OBSL1: variants seen among roughly 807,000 people sequenced by gnomAD.
OBSL1 encodes the protein obscurin like cytoskeletal adaptor 1, also known as obscurin-like protein 1.
In OBSL1, 160 loss-of-function variants were observed where a neutral mutation model predicts 172.0. The ratio of observed to expected loss-of-function variants is 0.93; its 90% CI spans 0.82 to 1.06. The LOEUF is 1.06. Among genes scored for constraint, OBSL1 ranks in the 50% least tolerant of loss-of-function variants. OBSL1 has a pLI of 0.00. For synonymous variants in OBSL1, 1,200 were observed against 1,196.3 expected (o/e 1.00, Z -0.06); for missense variants, 2,681 against 2,715.4 (o/e 0.99, Z 0.28).
rs374540973 is a variant in OBSL1 at position 219,567,290 on chromosome 2, T to C, written c.1820A>G (p.His607Arg). ...GHGRSPHVVFHGSAHLVPTAR... is the reference protein window; with the variant it reads ...GHGRSPHVVFRGSAHLVPTAR... ...CAACTCACCAAGGTGAGCAGAACCG[T>C]GGAACACCACGTGGGGACTACGGCC... The change falls in exon 4 of 21, where the codon CAC (histidine) becomes CGC (arginine). Residue 607 changes from histidine (H) to arginine (R), a missense_variant. Physicochemically the swap from His to Arg is conservative, Grantham distance 29 (BLOSUM62 0). Transcript: ENST00000404537. 225 of 1,598,276 alleles carry C rather than the reference T, an allele frequency of 1.4e-4. No homozygotes were observed. The highest frequency in any genetic ancestry group is 1.9e-4 in the Non-Finnish European group (221 of 1,168,462).
In OBSL1 at chr2:219,552,671, G is replaced by A; in HGVS notation, c.5173C>T (p.Leu1725=). The part of the protein sequence containing the change: ...RERTVAVLSE[L]RSVSAREGDG... Reference sequence around the variant, plus strand: ...CCTTCGCGGGCGCTCACCGACCGCAGCTCGGAGAGTACCGCCACAGTACGC... The same window carrying A: ...CCTTCGCGGGCGCTCACCGACCGCAACTCGGAGAGTACCGCCACAGTACGC... Residue 1725 remains leucine, a synonymous_variant, in exon 18 of 21, where the codon CTG becomes TTG. Coordinates refer to ENST00000404537, the MANE Select transcript of OBSL1 (RefSeq NM_015311.3). 2 of 1,537,702 alleles carry A rather than the reference G, an allele frequency of 1.3e-6. No individual in the cohort carries two copies. Among genetic ancestry groups the A allele is most frequent in the Non-Finnish European group, 1.7e-6 (2 of 1,145,622 alleles).
At chr2:219,549,596 G>A, downstream of OBSL1, 1 of 1,468,852 alleles carries the variant, frequency 6.8e-7, no homozygotes, top group Non-Finnish European at 9.3e-7. Context: ...GGGTCTCAGG[G>A]CTGTGGACTC....
At chr2:219,560,349 A>C (rs1696366816) in intron 8 of OBSL1, among the ~76,000 whole-genome samples, 1 of 152,162 alleles carries the variant, frequency 6.6e-6, no homozygotes, top group Non-Finnish European at 1.5e-5. Context: ...TTTTGCATTC[A>C]ACGTCTGTCT....
rs574616946 is a variant in OBSL1 at position 219,556,005 on chromosome 2, G to A, written c.4609+15C>T. Reference sequence around the variant, plus strand: ...GTAGGGTGGGTAATGCATTAAGAGAGGACGGGGCACTCACGCCTCACGCTG... The same window carrying A: ...GTAGGGTGGGTAATGCATTAAGAGAAGACGGGGCACTCACGCCTCACGCTG... On this transcript the variant is annotated intron_variant, in intron 14 of 20. Coordinates refer to ENST00000404537, the MANE Select transcript of OBSL1 (RefSeq NM_015311.3). The A allele has an allele frequency of 3.7e-6, 6 of 1,612,706 alleles. No individual in the cohort carries two copies. The highest frequency in any genetic ancestry group is 3.3e-5 in the South Asian group (3 of 91,014).
chr2:219,562,257 G>T, intron 8 of OBSL1, 145 bp downstream of exon 8: 1 of 1,003,740 alleles, frequency 1.0e-6, no homozygotes, highest in Non-Finnish European at 1.5e-6. Context: ...TAGGGGCCCT[G>T]GGCTCATCTC....
downstream of OBSL1, among the ~76,000 whole-genome samples, chr2:219,548,473 G>T (rs1381127251): frequency 6.6e-6 from 1 of 152,220 alleles, no homozygotes; most frequent in Non-Finnish European, 1.5e-5. Context: ...TAGAGTTAGG[G>T]TGGTCAGGGA....
chr2:219,554,644 G>C lies in OBSL1; in HGVS notation c.4706C>G (p.Thr1569Ser), dbSNP rs776882174. The C allele has an allele frequency of 1.9e-6, 3 of 1,610,126 alleles. No homozygotes were observed. The highest frequency in any genetic ancestry group is 2.5e-6 in the Non-Finnish European group (3 of 1,178,342). Residue 1569 changes from threonine to serine, a missense_variant, in exon 15 of 21, where the codon ACC (threonine) becomes AGC (serine). Coordinates refer to ENST00000404537, the MANE Select transcript of OBSL1 (RefSeq NM_015311.3). ...TACTCCACCCCGGGCCCACTCCCCG[G>C]TCACACCTTCCTGGGACAGCTCCAG... ...FQLELSQEGV[T>S]GEWARGGVQL...
chr2:219,558,190 G>C lies in OBSL1; in HGVS notation c.3496C>G (p.Leu1166Val), dbSNP rs1159849424. The change falls in exon 10 of 21, where the codon CTG (leucine) becomes GTG (valine). Residue 1166 changes from leucine to valine, a missense_variant. Around this residue, in one of 5 missense-constraint regions of OBSL1, gnomAD observed 1,765 missense variants for 1,748.3 expected, o/e 1.01. Coordinates refer to ENST00000404537, the MANE Select transcript of OBSL1 (RefSeq NM_015311.3). Reference protein sequence around the residue: ...RHEAITFNVILAEPPVQFLAL... With the variant: ...RHEAITFNVIVAEPPVQFLAL... The stretch of plus-strand genomic sequence containing the variant: ...GTTGGCCAGGAGCACCCACCAGCCA[G>C]GATGACATTGAAGGTGATGGCCTCA... 1 of 1,607,982 alleles carries C rather than the reference G, an allele frequency of 6.2e-7. No individual in the cohort carries two copies. Among genetic ancestry groups the C allele is most frequent in the African/African-American group, 1.3e-5 (1 of 74,940 alleles).
rs766996705 is a variant in OBSL1, at chr2:219,552,235, C to T, written c.5309-19G>A. 5 of 1,573,630 alleles carry T rather than the reference C, an allele frequency of 3.2e-6. No individual in the cohort carries two copies. In the South Asian group the frequency reaches 4.6e-5, roughly 15 times the overall value. On this transcript the variant is annotated intron_variant, in intron 18 of 20. Transcript: ENST00000404537. The stretch of plus-strand genomic sequence containing the variant: ...TTCTTCCCTGGGGGTGAGGGGGTCG[C>T]TAGCGAGGCCGGAGCCACCTCTGAG...
chr2:219,552,584 C>G lies in OBSL1; in HGVS notation c.5260G>C (p.Gly1754Arg), dbSNP rs1695709818. ...GCTCCGGGTCTCAGCGGGCGGCCTC[C>G]GAGCTCCCAGCGCCCCGTGGTCTCG... ...EVETTGRWELGGRPLRPGARV... is the reference protein window; with the variant it reads ...EVETTGRWELRGRPLRPGARV... The change falls in exon 18 of 21, where the codon GGA (glycine) becomes CGA (arginine). Residue 1754 changes from glycine (G) to arginine (R), a missense_variant. Coordinates refer to ENST00000404537, the MANE Select transcript of OBSL1 (RefSeq NM_015311.3). The G allele has an allele frequency of 6.3e-7, 1 of 1,590,400 alleles. No individual in the cohort carries two copies. The highest frequency in any genetic ancestry group is 1.1e-5 in the South Asian group (1 of 89,036).
In OBSL1 at chr2:219,570,320, T is replaced by C. The variant is rs1697246689; in HGVS notation, c.913A>G (p.Lys305Glu). The change falls in exon 1 of 21, where the codon AAG (lysine) becomes GAG (glutamate). Residue 305 changes from lysine to glutamate, a missense_variant. By Grantham distance (56) the Lys-to-Glu change is moderately conservative. Around this residue, in one of 5 missense-constraint regions of OBSL1, gnomAD observed 706 missense variants for 695.8 expected, o/e 1.01. Coordinates refer to ENST00000404537, the MANE Select transcript of OBSL1 (RefSeq NM_015311.3). ...YRDRDGGFVLKVLYCQAKDRG... is the reference protein window; with the variant it reads ...YRDRDGGFVLEVLYCQAKDRG... ...TCCTTGGCCTGGCAGTAAAGCACCT[T>C]GAGCACGAAGCCGCCGTCGCGGTCG... The C allele has an allele frequency of 1.2e-6, 2 of 1,611,992 alleles. No homozygotes were observed. Among genetic ancestry groups the C allele is most frequent in the African/African-American group, 2.7e-5 (2 of 74,982 alleles).
rs902445261 is a variant in OBSL1 at position 219,552,520 on chromosome 2, A to G, written c.5308+16T>C. On this transcript the variant is annotated intron_variant, in intron 18 of 20. Transcript: ENST00000404537. Reference sequence around the variant, plus strand: ...GGGGCAGCGAGGGGCCCGAAAGGGTAACCAGGCGGGCAGACCTTCCTGTCG... The same window carrying G: ...GGGGCAGCGAGGGGCCCGAAAGGGTGACCAGGCGGGCAGACCTTCCTGTCG... The G allele has an allele frequency of 3.1e-6, 5 of 1,591,788 alleles. No homozygotes were observed. The highest frequency in any genetic ancestry group is 4.3e-6 in the Non-Finnish European group (5 of 1,175,690).
At position 219,557,989 on chromosome 2, in the gene OBSL1, G is replaced by A. The variant is rs1309346876; in HGVS notation, c.3624C>T (p.His1208=). Reference sequence around the variant, plus strand: ...CGCCCTCCTGCACGGGCCTCCCATTGTGGCTCCAGACCACGGGGGCGCCAG... The same window carrying A: ...CGCCCTCCTGCACGGGCCTCCCATTATGGCTCCAGACCACGGGGGCGCCAG... ...SRAGAPVVWS[H]NGRPVQEGEG... Residue 1208 remains histidine (H), a synonymous_variant, in exon 11 of 21, where the codon CAC becomes CAT. Coordinates refer to ENST00000404537, the MANE Select transcript of OBSL1 (RefSeq NM_015311.3). 1 of 1,611,532 alleles carries A rather than the reference G, an allele frequency of 6.2e-7. No homozygotes were observed. Among genetic ancestry groups the A allele is most frequent in the Non-Finnish European group, 8.5e-7 (1 of 1,179,342 alleles).
chr2:219,564,669 TG>T (rs1250236780), intron 6 of OBSL1, among the ~76,000 whole-genome samples: 2 of 152,206 alleles, frequency 1.3e-5, no homozygotes, highest in Admixed American at 6.5e-5. Flanking sequence ...ACGCTGTGCG[TG>T]GCACACACCT....
In OBSL1 at chr2:219,556,033, C is replaced by T; in HGVS notation, c.4596G>A (p.Arg1532=). Residue 1532 remains arginine (R), a synonymous_variant, in exon 14 of 21, where the codon AGG becomes AGA. Coordinates refer to ENST00000404537, the MANE Select transcript of OBSL1 (RefSeq NM_015311.3). Reference sequence around the variant, plus strand: ...CGGGGCACTCACGCCTCACGCTGAGCCTGGCCAGGGTGCGATCGTGGTGGC... The same window carrying T: ...CGGGGCACTCACGCCTCACGCTGAGTCTGGCCAGGGTGCGATCGTGGTGGC... The part of the protein sequence containing the change: ...CESHHDRTLA[R]LSVRPRQLRV... 1 of 1,613,520 alleles carries T rather than the reference C, an allele frequency of 6.2e-7. No individual in the cohort carries two copies. Among genetic ancestry groups the T allele is most frequent in the Non-Finnish European group, 8.5e-7 (1 of 1,179,870 alleles).
In OBSL1 at chr2:219,567,539, G is replaced by A. The variant is rs1382132754; in HGVS notation, c.1571C>T (p.Ala524Val). The A allele has an allele frequency of 6.2e-7, 1 of 1,612,882 alleles. No individual in the cohort carries two copies. The highest frequency in any genetic ancestry group is 8.5e-7 in the Non-Finnish European group (1 of 1,179,128). ...KHSPPGPPIL[A>V]EMFKGHKNTV... ...GTTCTTGTGGCCCTTGAACATCTCT[G>A]CCAATATGGGGGGTCCTGGGGGACT... The change falls in exon 4 of 21, where the codon GCA becomes GTA. Residue 524 changes from alanine to valine, a missense_variant. Physicochemically the swap from Ala to Val is moderately conservative, Grantham distance 64. Around this residue, in one of 5 missense-constraint regions of OBSL1, gnomAD observed 706 missense variants for 695.8 expected, o/e 1.01. Transcript: ENST00000404537.
intron 7 of OBSL1, chr2:219,563,091 C>T: frequency 2.0e-6 from 1 of 511,284 alleles, no homozygotes; most frequent in Non-Finnish European, 3.4e-6. Context: ...AATAGACTCA[C>T]TGTCCCCAGA....
intron 6 of OBSL1, among the ~76,000 whole-genome samples, chr2:219,564,775 AAAAG>A (rs1000286728): frequency 1.1e-4 from 16 of 152,302 alleles, no homozygotes; most frequent in South Asian, 8.3e-4. Flanking sequence ...TCATCTTAAA[AAAAG>A]AAAGAAAGAA....
rs376647784 is a variant in OBSL1, at chr2:219,554,643, G to C, written c.4707C>G (p.Thr1569=). The C allele has an allele frequency of 6.2e-7, 1 of 1,609,766 alleles. No individual in the cohort carries two copies. The highest frequency in any genetic ancestry group is 1.3e-5 in the African/African-American group (1 of 74,844). The change falls in exon 15 of 21, where the codon ACC becomes ACG. Residue 1569 remains threonine, a synonymous_variant. Coordinates refer to ENST00000404537, the MANE Select transcript of OBSL1 (RefSeq NM_015311.3). The part of the protein sequence containing the change: ...FQLELSQEGV[T]GEWARGGVQL... ...GTACTCCACCCCGGGCCCACTCCCC[G>C]GTCACACCTTCCTGGGACAGCTCCA...
Sources: gnomAD v4.1 joint callset for allele counts (sites outside exome capture counted in the v4.1 genomes callset) on GRCh38, gnomAD v4.1.1 for gene constraint, gnomAD v4.1.1 regional missense constraint, MANE v1.5 for transcripts, NCBI Gene and HGNC (gene_info 2026-07-23, HGNC 2026-07-21) for gene names.